Variants in AUTS2 observed in about 807,000 individuals in gnomAD.
AUTS2 encodes the protein autism susceptibility gene 2 protein.
Under a neutral mutation model 112.4 loss-of-function variants are expected in AUTS2, and 17 were observed. The ratio of observed to expected loss-of-function variants is 0.15; its 90% CI spans 0.10 to 0.23. The LOEUF is 0.23. AUTS2 is among the 10% of genes least tolerant of loss of function. The probability of loss-of-function intolerance (pLI) is 1.00; values close to 1 mark genes in which losing one functional copy is unlikely to be tolerated. For synonymous variants in AUTS2, 751 were observed against 702.7 expected, an observed-to-expected ratio of 1.07 and a Z score of -1.09; for missense variants, 1,510 against 1,701.6, an observed-to-expected ratio of 0.89 and a Z score of 1.98.
chr7:69,851,702 A>G (rs946962773), intron 1 of AUTS2, among the ~76,000 whole-genome samples: 1 of 152,196 alleles, frequency 6.6e-6, no homozygotes. Flanking sequence ...TACAGGTCCT[A>G]TACATCTTTT....
chr7:70,538,536 A>G (rs745729763), intron 5 of AUTS2, among the ~76,000 whole-genome samples: 2 of 152,210 alleles, frequency 1.3e-5, no homozygotes, highest in South Asian at 2.1e-4. Flanking sequence ...TCTCAAAAAA[A>G]GAAAGAGAGA....
At chr7:70,524,132 A>T in intron 5 of AUTS2, among the ~76,000 whole-genome samples, 1 of 152,230 alleles carries the variant, frequency 6.6e-6, no homozygotes, top group East Asian at 1.9e-4. Context: ...TGCCAAGACC[A>T]TTTATCTATT....
intron 4 of AUTS2, among the ~76,000 whole-genome samples, chr7:70,262,637 G>A (rs1452365480): frequency 3.3e-5 from 5 of 152,304 alleles, no homozygotes; most frequent in Non-Finnish European, 4.4e-5. Context: ...ATGAATGGTA[G>A]CAATACAATT....
chr7:70,624,209 T>A (rs930328531), intron 5 of AUTS2, among the ~76,000 whole-genome samples: 1 of 152,258 alleles, frequency 6.6e-6, no homozygotes. Flanking sequence ...AAGCACTGCA[T>A]AATACTCAGG....
intron 2 of AUTS2, among the ~76,000 whole-genome samples, chr7:70,004,855 G>A (rs917304489): frequency 2.0e-5 from 3 of 151,128 alleles, no homozygotes; most frequent in African/African-American, 4.9e-5. Context: ...ACCGAGTTTC[G>A]CTCTCGTTGC....
intron 5 of AUTS2, among the ~76,000 whole-genome samples, chr7:70,478,466 C>G (rs1797664647): frequency 6.6e-6 from 1 of 152,186 alleles, no homozygotes; most frequent in Non-Finnish European, 1.5e-5. Context: ...GAAGGAATGA[C>G]TAAGGGACTC....
At chr7:70,574,423 A>G (rs896660363) in intron 5 of AUTS2, among the ~76,000 whole-genome samples, 20 of 152,054 alleles carry the variant, frequency 1.3e-4, no homozygotes, top group East Asian at 7.7e-4. Context: ...CTTGCCCTTG[A>G]TGATTGCAAA....
At chr7:70,196,977 A>C (rs554733383) in intron 4 of AUTS2, among the ~76,000 whole-genome samples, 20 of 152,352 alleles carry the variant, frequency 1.3e-4, no homozygotes, top group Admixed American at 5.9e-4. Flanking sequence ...AATATGAAGA[A>C]GAAAGAGAAA....
chr7:70,073,039 C>T (rs1337050944), intron 2 of AUTS2, among the ~76,000 whole-genome samples: 31 of 109,190 alleles, frequency 2.8e-4, no homozygotes, highest in African/African-American at 1.0e-3. Flanking sequence ...CCCCTCCCTT[C>T]CCCTCCCCTC....
At chr7:69,939,035 G>T (rs1403319183) in intron 2 of AUTS2, among the ~76,000 whole-genome samples, 1 of 152,150 alleles carries the variant, frequency 6.6e-6, no homozygotes, top group Non-Finnish European at 1.5e-5. Context: ...TAAAGATTTA[G>T]ATTTCATAAT....
intron 1 of AUTS2, among the ~76,000 whole-genome samples, chr7:69,841,915 A>T (rs1414346873): frequency 1.3e-5 from 2 of 152,174 alleles, no homozygotes; most frequent in Admixed American, 1.3e-4. Context: ...TATTTCATGA[A>T]AGTATCATAT....
chr7:69,700,390 T>C (rs1466391461), intron 1 of AUTS2, among the ~76,000 whole-genome samples: 1 of 152,186 alleles, frequency 6.6e-6, no homozygotes, highest in Non-Finnish European at 1.5e-5. Flanking sequence ...GTTGCAAAGA[T>C]TACGGGGATT....
intron 4 of AUTS2, among the ~76,000 whole-genome samples, chr7:70,391,216 TC>T (rs1453263019): frequency 5.3e-5 from 8 of 151,974 alleles, no homozygotes; most frequent in Non-Finnish European, 1.2e-4. Context: ...TTAGAAAGAG[TC>T]CCCTGTCACT....
intron 5 of AUTS2, among the ~76,000 whole-genome samples, chr7:70,577,828 TTTA>T (rs2129526624): frequency 6.9e-6 from 1 of 144,502 alleles, no homozygotes; most frequent in South Asian, 2.2e-4. Flanking sequence ...AATTTTTTTC[TTTA>T]TTTTTTTTTT....
intron 2 of AUTS2, among the ~76,000 whole-genome samples, chr7:70,051,711 C>T (rs1020881173): frequency 3.3e-5 from 5 of 152,084 alleles, no homozygotes; most frequent in Non-Finnish European, 7.4e-5. Context: ...AAGAACAAAA[C>T]TCCATCTAAA....
chr7:70,357,645 G>A (rs1311404677), intron 4 of AUTS2, among the ~76,000 whole-genome samples: 3 of 152,154 alleles, frequency 2.0e-5, no homozygotes, highest in Non-Finnish European at 2.9e-5. Context: ...TAAACGCACG[G>A]CCTTTTTAAG....
intron 1 of AUTS2, among the ~76,000 whole-genome samples, chr7:69,756,725 C>A (rs1270649610): frequency 1.3e-5 from 2 of 152,024 alleles, no homozygotes; most frequent in Non-Finnish European, 2.9e-5. Context: ...TATCAGAAAG[C>A]AGAGTGGGAT....
At chr7:70,432,474 C>T (rs1795713136) in intron 4 of AUTS2, among the ~76,000 whole-genome samples, 2 of 152,134 alleles carry the variant, frequency 1.3e-5, no homozygotes, top group African/African-American at 4.8e-5. Context: ...TGAATTCTAC[C>T]CACACTGACT....
intron 4 of AUTS2, among the ~76,000 whole-genome samples, chr7:70,261,365 G>T (rs553326435): frequency 1.3e-4 from 20 of 152,192 alleles, no homozygotes; most frequent in Admixed American, 1.3e-3. Context: ...AGGGAACATT[G>T]TGGGTGATGG....
Sources: allele counts gnomAD v4.1 joint callset (sites outside exome capture counted in the v4.1 genomes callset), GRCh38; gene constraint gnomAD v4.1.1; transcripts MANE v1.5; gene names NCBI Gene and HGNC (gene_info 2026-07-23, HGNC 2026-07-21).